Variants in TAF4 observed in about 807,000 individuals in gnomAD.
TAF4 encodes TATA-box binding protein associated factor 4.
TAF4 carries 9 observed loss-of-function variants against 90.3 expected under a neutral mutation model. The observed-to-expected ratio is 0.10, with a 90% confidence interval of 0.06 to 0.17. The LOEUF (loss-of-function observed/expected upper bound fraction) is 0.17, where lower values mean the gene tolerates loss of function less well. Ranked by LOEUF, TAF4 falls within the 10% of genes least tolerant of loss-of-function variation. The pLI, the probability that TAF4 is intolerant of heterozygous loss-of-function variation, is 1.00. For synonymous variants in TAF4, 818 were observed against 638.9 expected (o/e 1.28, Z -4.23); for missense variants, 1,351 against 1,370.7 (o/e 0.99, Z 0.23).
At chr20:62,007,869 A>G in intron 5 of TAF4, 1 of 443,736 alleles carries the variant, frequency 2.3e-6, no homozygotes, top group Non-Finnish European at 4.0e-6. Context: ...TGGGAGGGTC[A>G]CCTGTCTACT....
At chr20:62,019,869 C>G (rs1177345508) in intron 1 of TAF4, among the ~76,000 whole-genome samples, 1 of 152,242 alleles carries the variant, frequency 6.6e-6, no homozygotes, top group South Asian at 2.1e-4. Context: ...ACCACACGGG[C>G]ACCTGCACCC....
intron 5 of TAF4, among the ~76,000 whole-genome samples, chr20:62,008,480 G>C (rs1287939034): frequency 7.0e-6 from 1 of 143,596 alleles, no homozygotes; most frequent in East Asian, 2.3e-4. Flanking sequence ...AGGCTGCCAG[G>C]AATCCTCCCT....
intron 14 of TAF4, among the ~76,000 whole-genome samples, chr20:61,993,886 G>A (rs2055647042): frequency 6.6e-6 from 1 of 152,146 alleles, no homozygotes; most frequent in South Asian, 2.1e-4. Context: ...CCGAGTAGCT[G>A]GAAATACAGG....
intron 2 of TAF4, among the ~76,000 whole-genome samples, chr20:62,013,278 T>C (rs2055790477): frequency 1.3e-5 from 2 of 152,160 alleles, no homozygotes; most frequent in African/African-American, 4.8e-5. Flanking sequence ...AGACGGCCAG[T>C]CAGTGTCGCA....
At chr20:62,004,055 A>G (rs957849407) in intron 7 of TAF4, among the ~76,000 whole-genome samples, 177 bp from the exon 8 acceptor site, 10 of 152,202 alleles carry the variant, frequency 6.6e-5, no homozygotes, top group Non-Finnish European at 7.3e-5. Context: ...TGCTCTGGCC[A>G]TGGACTCGGC....
chr20:62,022,541 A>C (rs1163273931), intron 1 of TAF4, among the ~76,000 whole-genome samples: 4 of 152,220 alleles, frequency 2.6e-5, no homozygotes, highest in African/African-American at 4.8e-5. Flanking sequence ...AGCTGGGACC[A>C]GTGGTGGACA....
chr20:62,056,236 C>CG (rs1460046817), intron 1 of TAF4, among the ~76,000 whole-genome samples: 1 of 150,972 alleles, frequency 6.6e-6, no homozygotes, highest in Non-Finnish European at 1.5e-5. Flanking sequence ...GACTCTGTCT[C>CG]GAAAAAAAAG....
At chr20:62,021,213 CA>C in intron 1 of TAF4, among the ~76,000 whole-genome samples, 1 of 152,218 alleles carries the variant, frequency 6.6e-6, no homozygotes, top group African/African-American at 2.4e-5. Flanking sequence ...CACTAGGTCT[CA>C]AAAAAGGTAT....
At chr20:62,009,970 G>A in intron 4 of TAF4, 76 bp downstream of exon 4, 3 of 1,596,224 alleles carry the variant, frequency 1.9e-6, no homozygotes, top group Non-Finnish European at 2.6e-6. Flanking sequence ...GCCGGCCTGA[G>A]GTCTCAAGGC....
chr20:61,985,776 C>T (rs73297760), intron 14 of TAF4, among the ~76,000 whole-genome samples: 8,366 of 151,658 alleles, frequency 0.055, 561 homozygotes, highest in African/African-American at 0.17. Flanking sequence ...CAGGTGCAGA[C>T]GAGTGTTTGT....
chr20:62,064,202 G>C (rs2056107134), intron 1 of TAF4: 2 of 403,062 alleles, frequency 5.0e-6, no homozygotes, highest in East Asian at 3.7e-5. Flanking sequence ...ACCAGCCCCA[G>C]GCACAGGCAG....
At chr20:62,060,920 G>A (rs771828849) in intron 1 of TAF4, among the ~76,000 whole-genome samples, 1 of 152,172 alleles carries the variant, frequency 6.6e-6, no homozygotes, top group Non-Finnish European at 1.5e-5. Flanking sequence ...GAAAAATGAG[G>A]GGAACTGGGA....
At chr20:62,039,554 C>T (rs1233330893) in intron 1 of TAF4, among the ~76,000 whole-genome samples, 1 of 152,172 alleles carries the variant, frequency 6.6e-6, no homozygotes, top group Non-Finnish European at 1.5e-5. Context: ...AAATGACTCA[C>T]TGGATTTATT....
At position 62,018,319 on chromosome 20, in the gene TAF4, A is replaced by G. The variant is rs59780180; in HGVS notation, c.1361-3612T>C. Among the ~76,000 whole-genome samples, 681 of 152,356 alleles carry G rather than the reference A, an allele frequency of 4.5e-3. 3 individuals are homozygous for G. Among genetic ancestry groups the G allele is most frequent in the African/African-American group, 0.016 (658 of 41,584 alleles). On this transcript the variant is annotated intron_variant, in intron 1 of 14. Transcript: ENST00000252996. ...GGACACTCAGAACACCAACGGCTGC[A>G]TCCACGCCATGTTTCCGAGAGGTTC...
chr20:62,047,849 C>T (rs1005424462), intron 1 of TAF4, among the ~76,000 whole-genome samples: 2 of 152,342 alleles, frequency 1.3e-5, no homozygotes, highest in Admixed American at 6.5e-5. Flanking sequence ...AAAAAGGACA[C>T]AGCCATGGAA....
Position 62,006,128 on chromosome 20 carries a change from T to TG in TAF4, c.2223+381dup, listed in dbSNP as rs905857678. The TG allele has an allele frequency of 1.9e-4, 32 of 167,988 alleles. No homozygotes were observed. The highest frequency in any genetic ancestry group is 1.5e-3 in the Admixed American group (24 of 15,654). 10.4% of individuals were successfully genotyped at this position (167,988 alleles called of 1,614,324 possible). A position where few individuals can be genotyped will look rare whatever the true frequency, so the allele number is the denominator to read the frequency against. On this transcript the variant is annotated intron_variant, in intron 7 of 14. Transcript: ENST00000252996. This position sits in a 1 kb window ranked among gnomAD's most constrained non-coding sequence, Gnocchi z 7.0. ...AGCTGCTACCCTGCCTCCAGTCTCC[T>TG]GCCCACCTGTCCCACGCAGGTGCCC... is the stretch of plus-strand genomic sequence containing the variant.
intron 1 of TAF4, among the ~76,000 whole-genome samples, chr20:62,062,753 C>A (rs934266466): frequency 6.6e-6 from 1 of 152,180 alleles, no homozygotes; most frequent in East Asian, 1.9e-4. Context: ...CTTCCAACCA[C>A]GTATTCCTTC....
At chr20:62,027,812 C>T (rs2055882994) in intron 1 of TAF4, among the ~76,000 whole-genome samples, 1 of 152,224 alleles carries the variant, frequency 6.6e-6, no homozygotes, top group Non-Finnish European at 1.5e-5. Flanking sequence ...ACGGAGGGCA[C>T]AGCAGGCATG....
chr20:62,003,184 TTGA>T lies in TAF4; in HGVS notation c.2459_2461del (p.Leu820_Lys821delinsGln). ...CCGAAACGAACCTCCCCCAGGCTCCTTGAGTTTATTTTTCTGTGCAGCAGCTGC... is the reference window on the plus strand; with the variant it reads ...CCGAAACGAACCTCCCCCAGGCTCCTGTTTATTTTTCTGTGCAGCAGCTGC... On this transcript the variant is annotated inframe_deletion, in exon 9 of 15. Coordinates refer to ENST00000252996, the MANE Select transcript of TAF4 (RefSeq NM_003185.4). The T allele has an allele frequency of 6.2e-7, 1 of 1,614,114 alleles. No homozygotes were observed. The highest frequency in any genetic ancestry group is 8.5e-7 in the Non-Finnish European group (1 of 1,180,010).
Sources: allele counts gnomAD v4.1 joint callset (sites outside exome capture counted in the v4.1 genomes callset), GRCh38; gene constraint gnomAD v4.1.1; non-coding constraint Gnocchi (gnomAD v3.1); transcripts MANE v1.5; gene names NCBI Gene and HGNC (gene_info 2026-07-23, HGNC 2026-07-21).